ERICH1: variants seen among roughly 807,000 people sequenced by gnomAD.
ERICH1 encodes glutamate-rich protein 1.
ERICH1 carries 56 observed loss-of-function variants against 39.6 expected under a neutral mutation model. The ratio of observed to expected loss-of-function variants is 1.41; its 90% CI spans 1.14 to 1.77. The LOEUF (loss-of-function observed/expected upper bound fraction) is 1.77, where lower values mean the gene tolerates loss of function less well. Among genes scored for constraint, ERICH1 ranks in the 40% most tolerant of loss-of-function variants. The probability of loss-of-function intolerance (pLI) is 0.00; values close to 1 mark genes in which losing one functional copy is unlikely to be tolerated. For synonymous variants in ERICH1, 313 were observed against 223.6 expected, an observed-to-expected ratio of 1.40 and a Z score of -3.57; for missense variants, 826 against 575.4, an observed-to-expected ratio of 1.44 and a Z score of -4.45.
At chr8:680,832 G>A (rs1805957533) in intron 3 of ERICH1, among the ~76,000 whole-genome samples, 1 of 152,226 alleles carries the variant, frequency 6.6e-6, no homozygotes, top group African/African-American at 2.4e-5. Flanking sequence ...CGCTGCCCCA[G>A]TTCCACACAC....
chr8:709,817 G>C (rs1329842570), intron 2 of ERICH1, among the ~76,000 whole-genome samples: 2 of 152,156 alleles, frequency 1.3e-5, no homozygotes, highest in African/African-American at 4.8e-5. Context: ...TTTCACTTAG[G>C]AATGATCCAT....
chr8:687,432 G>C (rs966265343), intron 3 of ERICH1, among the ~76,000 whole-genome samples: 3 of 152,398 alleles, frequency 2.0e-5, no homozygotes, highest in Middle Eastern at 3.4e-3. Flanking sequence ...GTTTGCACAA[G>C]CTTTGCAATA....
At chr8:615,185 T>C in exon 4 of ERICH1, 1 of 653,488 alleles carries the variant, frequency 1.5e-6, no homozygotes, top group Non-Finnish European at 2.7e-6. Flanking sequence ...AGACAGTTCC[T>C]CTTGACCTGG....
At chr8:642,921 C>A (rs530891642) in intron 3 of ERICH1, among the ~76,000 whole-genome samples, 1 of 152,116 alleles carries the variant, frequency 6.6e-6, no homozygotes, top group African/African-American at 2.4e-5. Flanking sequence ...TGGGGCTGGA[C>A]GGGAGACTGC....
chr8:629,891 G>C lies in ERICH1; in HGVS notation c.977-14607C>G, dbSNP rs374137659. Among the ~76,000 whole-genome samples the C allele has an allele frequency of 9.8e-3, 422 of 43,044 alleles. 1 individual carries two copies. The highest frequency in any genetic ancestry group is 0.017 in the South Asian group (22 of 1,304). The allele number at this position is 43,044 out of a possible 152,430, so 28.2% of individuals were successfully genotyped here. A position where few individuals can be genotyped will look rare whatever the true frequency, so the allele number is the denominator to read the frequency against. ...AGAGCTGACTCACACCCTCCTGTGA[G>C]CACCCACACAGACAGAGCTGACTCA... On this transcript the variant is annotated intron_variant, in intron 3 of 3. Transcript: ENST00000522706.
At chr8:664,946 C>T (rs1472732350) in intron 5 of ERICH1, among the ~76,000 whole-genome samples, 1 of 152,186 alleles carries the variant, frequency 6.6e-6, no homozygotes, top group Non-Finnish European at 1.5e-5. Context: ...TCTATTACAC[C>T]TTAACTTCAA....
At chr8:722,047 G>T (rs2132415648) in intron 1 of ERICH1, among the ~76,000 whole-genome samples, 2 of 152,188 alleles carry the variant, frequency 1.3e-5, no homozygotes, top group Middle Eastern at 3.4e-3. Context: ...AAAATGCCTT[G>T]CAGTCACGAC....
At chr8:725,081 G>A in intron 1 of ERICH1, 1 of 169,832 alleles carries the variant, frequency 5.9e-6, no homozygotes, top group Non-Finnish European at 1.3e-5. Context: ...GTCCCCTCCG[G>A]CTTCCTGTCT....
At chr8:638,882 C>A (rs567306586) in intron 3 of ERICH1, among the ~76,000 whole-genome samples, 14 of 152,110 alleles carry the variant, frequency 9.2e-5, no homozygotes, top group African/African-American at 3.1e-4. Context: ...GCTCAGTGGA[C>A]GCTGCCTCCG....
intron 3 of ERICH1, among the ~76,000 whole-genome samples, chr8:691,515 C>T (rs1808914124): frequency 6.6e-6 from 1 of 152,258 alleles, no homozygotes; most frequent in African/African-American, 2.4e-5. Context: ...AGGGCCAACG[C>T]ACTTCCTTCT....
intron 3 of ERICH1, among the ~76,000 whole-genome samples, chr8:679,858 GC>G (rs1805733015): frequency 6.9e-6 from 1 of 145,464 alleles, no homozygotes; most frequent in Non-Finnish European, 1.5e-5. Context: ...CACAGAAGAT[GC>G]AAGAGAATCC....
At chr8:674,312 TTTTTTC>T (rs1804165417) in intron 3 of ERICH1, among the ~76,000 whole-genome samples, 1 of 149,882 alleles carries the variant, frequency 6.7e-6, no homozygotes, top group Non-Finnish European at 1.5e-5. Flanking sequence ...TTTTTTTTTT[TTTTTTC>T]CTGACACAGA....
chr8:707,874 G>A (rs1413925564), intron 2 of ERICH1, among the ~76,000 whole-genome samples: 3 of 152,178 alleles, frequency 2.0e-5, no homozygotes, highest in Non-Finnish European at 1.5e-5. Context: ...TGGTATGGAA[G>A]AAAATATTCG....
At chr8:701,409 G>T (rs947032171) in intron 2 of ERICH1, among the ~76,000 whole-genome samples, 4 of 152,184 alleles carry the variant, frequency 2.6e-5, no homozygotes, top group African/African-American at 9.7e-5. Context: ...CCGGACGGGA[G>T]CACGCCTTAC....
At chr8:677,572 C>T (rs1388693274) in intron 3 of ERICH1, among the ~76,000 whole-genome samples, 1 of 152,188 alleles carries the variant, frequency 6.6e-6, no homozygotes, top group Non-Finnish European at 1.5e-5. Flanking sequence ...CAGGTCTGAC[C>T]AACCAGCCTG....
chr8:660,678 T>G (rs1801297485), downstream of ERICH1, among the ~76,000 whole-genome samples: 1 of 152,178 alleles, frequency 6.6e-6, no homozygotes, highest in East Asian at 1.9e-4. Context: ...CAATAAAAAT[T>G]TTGGAATTCA....
intron 3 of ERICH1, among the ~76,000 whole-genome samples, chr8:658,709 C>T (rs903712592): frequency 4.6e-5 from 7 of 152,116 alleles, no homozygotes; most frequent in African/African-American, 1.7e-4. Context: ...TAGAGATGCC[C>T]CTGGTACAAA....
At chr8:638,386 T>C (rs543249262) in intron 3 of ERICH1, among the ~76,000 whole-genome samples, 18 of 152,162 alleles carry the variant, frequency 1.2e-4, no homozygotes, top group African/African-American at 3.9e-4. Flanking sequence ...AGAGGAGGCC[T>C]GCTTGAGATA....
intron 1 of ERICH1, among the ~76,000 whole-genome samples, chr8:728,467 C>T (rs979663017): frequency 2.0e-5 from 3 of 152,178 alleles, no homozygotes; most frequent in Admixed American, 6.5e-5. Flanking sequence ...TCGAGGAGCA[C>T]GCAGTCCCTG....
Sources: allele counts gnomAD v4.1 joint callset (sites outside exome capture counted in the v4.1 genomes callset), GRCh38; gene constraint gnomAD v4.1.1; transcripts MANE v1.5; gene names NCBI Gene and HGNC (gene_info 2026-07-23, HGNC 2026-07-21).